NEGR1: variants seen among roughly 807,000 people sequenced by gnomAD.
NEGR1 encodes neuronal growth regulator 1, also known as IgLON family member 4.
Under a neutral mutation model 40.9 loss-of-function variants are expected in NEGR1, and 10 were observed. The observed-to-expected ratio is 0.24, with a 90% confidence interval of 0.15 to 0.42. NEGR1 has a LOEUF of 0.42. Ranked by LOEUF, NEGR1 falls within the 10% of genes least tolerant of loss-of-function variation. The probability of loss-of-function intolerance (pLI) is 1.00; values close to 1 mark genes in which losing one functional copy is unlikely to be tolerated. For missense variants in NEGR1, 352 were observed against 438.9 expected, an observed-to-expected ratio of 0.80 and a Z score of 1.77; for synonymous variants, 185 against 166.8, an observed-to-expected ratio of 1.11 and a Z score of -0.84.
At chr1:71,963,470 A>T (rs1646185242) in intron 1 of NEGR1, among the ~76,000 whole-genome samples, 1 of 152,202 alleles carries the variant, frequency 6.6e-6, no homozygotes, top group African/African-American at 2.4e-5. Flanking sequence ...GTTAAATGTA[A>T]CAATGTAGGC....
chr1:71,447,898 G>C (rs934967363), intron 6 of NEGR1, among the ~76,000 whole-genome samples: 2 of 151,960 alleles, frequency 1.3e-5, no homozygotes, highest in Non-Finnish European at 2.9e-5. Context: ...TTTTATCATG[G>C]AAATTATTTC....
At chr1:71,930,030 G>A (rs1645840009) in intron 2 of NEGR1, among the ~76,000 whole-genome samples, 1 of 152,076 alleles carries the variant, frequency 6.6e-6, no homozygotes, top group African/African-American at 2.4e-5. Context: ...CTAATTGGGA[G>A]AAATAATATT....
intron 6 of NEGR1, among the ~76,000 whole-genome samples, chr1:71,586,969 C>T (rs1043672829): frequency 2.6e-5 from 4 of 151,970 alleles, no homozygotes; most frequent in South Asian, 2.1e-4. Context: ...CTCAAAGCTG[C>T]GAGGATAAAG....
chr1:71,931,276 C>T (rs889245467), intron 2 of NEGR1, among the ~76,000 whole-genome samples: 1 of 152,116 alleles, frequency 6.6e-6, no homozygotes, highest in Non-Finnish European at 1.5e-5. Context: ...ATGAGTTGAA[C>T]ACTAAACATT....
At chr1:72,012,791 T>C (rs995326085) in intron 1 of NEGR1, among the ~76,000 whole-genome samples, 1 of 148,314 alleles carries the variant, frequency 6.7e-6, no homozygotes, top group African/African-American at 2.5e-5. Context: ...TTAACATTAG[T>C]AATGTGTGTG....
chr1:72,004,317 GT>G (rs1160507925), intron 1 of NEGR1, among the ~76,000 whole-genome samples: 6 of 152,024 alleles, frequency 3.9e-5, no homozygotes, highest in African/African-American at 1.2e-4. Flanking sequence ...AATTTTGTTT[GT>G]TTTGTTTTGA....
intron 1 of NEGR1, among the ~76,000 whole-genome samples, chr1:72,003,752 G>A (rs774109650): frequency 2.6e-5 from 4 of 152,100 alleles, no homozygotes; most frequent in Non-Finnish European, 4.4e-5. Flanking sequence ...TTGCACTACA[G>A]TCTTTTCCCC....
intron 1 of NEGR1, among the ~76,000 whole-genome samples, chr1:72,210,204 A>C (rs1407612540): frequency 6.6e-6 from 1 of 151,816 alleles, no homozygotes; most frequent in Non-Finnish European, 1.5e-5. Flanking sequence ...CTTTTTTACT[A>C]TTATGGCATT....
At chr1:71,439,882 A>G (rs1646535602) in intron 6 of NEGR1, 1 of 151,864 alleles carries the variant, frequency 6.6e-6, no homozygotes, top group Admixed American at 6.6e-5. Context: ...TCATATATAT[A>G]TATAAATAAA....
chr1:71,991,655 A>C (rs779180616), intron 1 of NEGR1, among the ~76,000 whole-genome samples: 1 of 150,722 alleles, frequency 6.6e-6, no homozygotes, highest in African/African-American at 2.4e-5. Context: ...ATATCTGCTT[A>C]CCTACTTAAT....
intron 1 of NEGR1, among the ~76,000 whole-genome samples, chr1:72,195,535 G>T (rs1652969826): frequency 6.6e-6 from 1 of 151,510 alleles, no homozygotes; most frequent in African/African-American, 2.4e-5. Context: ...GATACACCAA[G>T]ATTTTTTTCT....
chr1:71,579,602 G>GT (rs1168734954), intron 6 of NEGR1, among the ~76,000 whole-genome samples: 2 of 109,328 alleles, frequency 1.8e-5, no homozygotes, highest in South Asian at 3.3e-4. Flanking sequence ...AACTACTTAA[G>GT]ATTTTTTTTT....
intron 4 of NEGR1, among the ~76,000 whole-genome samples, chr1:71,666,664 A>G (rs1046989431): frequency 1.6e-4 from 24 of 152,222 alleles, no homozygotes; most frequent in African/African-American, 5.1e-4. Flanking sequence ...CTCAGTAGTA[A>G]AAGTTCACTC....
intron 6 of NEGR1, among the ~76,000 whole-genome samples, chr1:71,552,444 G>A (rs889647885): frequency 1.3e-5 from 2 of 148,846 alleles, no homozygotes; most frequent in South Asian, 2.1e-4. Context: ...GGCCATGGTC[G>A]GCCCCTGCAC....
chr1:72,140,088 G>C (rs1002128873), intron 1 of NEGR1, among the ~76,000 whole-genome samples: 3 of 152,062 alleles, frequency 2.0e-5, no homozygotes, highest in African/African-American at 7.2e-5. Context: ...TAGTTCTCAT[G>C]AAACTATCAA....
intron 6 of NEGR1, among the ~76,000 whole-genome samples, chr1:71,495,154 G>A (rs1175615061): frequency 6.6e-6 from 1 of 152,114 alleles, no homozygotes; most frequent in Non-Finnish European, 1.5e-5. Context: ...TCAACAGTAA[G>A]CTCTTAGTAA....
intron 1 of NEGR1, among the ~76,000 whole-genome samples, chr1:72,144,711 A>C (rs1650843210): frequency 6.6e-6 from 1 of 152,030 alleles, no homozygotes; most frequent in Non-Finnish European, 1.5e-5. Context: ...AGAGACAAGA[A>C]AGAAGGAAGT....
chr1:71,672,386 CATTCCAAAGATTATCTATTGT>C (rs1024549448), intron 4 of NEGR1, among the ~76,000 whole-genome samples: 6 of 152,154 alleles, frequency 3.9e-5, no homozygotes, highest in Admixed American at 6.5e-5. Flanking sequence ...TTAAAACATA[CATTCCAAAGATTATCTATTGT>C]ATTCCAAAGA....
At chr1:71,823,050 G>T (rs946161240) in intron 2 of NEGR1, among the ~76,000 whole-genome samples, 4 of 151,960 alleles carry the variant, frequency 2.6e-5, no homozygotes, top group Non-Finnish European at 4.4e-5. Context: ...GAATACAAAG[G>T]TCTAGGAATC....
Sources: allele counts gnomAD v4.1 joint callset (sites outside exome capture counted in the v4.1 genomes callset), GRCh38; gene constraint gnomAD v4.1.1; transcripts MANE v1.5; gene names NCBI Gene and HGNC (gene_info 2026-07-23, HGNC 2026-07-21).